SSBP3: variants seen among roughly 807,000 people sequenced by gnomAD.
SSBP3 encodes the protein single-stranded DNA-binding protein 3.
Under a neutral mutation model 69.6 loss-of-function variants are expected in SSBP3, and 5 were observed. The observed-to-expected ratio is 0.07, with a 90% CI of 0.04 to 0.15. SSBP3 has a LOEUF of 0.15. Ranked by LOEUF, SSBP3 falls within the 10% of genes least tolerant of loss-of-function variation. The pLI is 1.00. For synonymous variants in SSBP3, 196 were observed against 193.4 expected (o/e 1.01, Z -0.11); for missense variants, 312 against 534.0 (o/e 0.58, Z 4.10).
Position 54,347,305 on chromosome 1 carries a change from A to G in SSBP3, c.276+54556T>C, listed in dbSNP as rs536791665. Among the ~76,000 whole-genome samples the G allele has an allele frequency of 1.8e-4, 28 of 151,566 alleles. No individual in the cohort carries two copies. In the South Asian group the frequency reaches 5.7e-3, roughly 31 times the overall value. On this transcript the variant is annotated intron_variant, in intron 4 of 17. Coordinates refer to ENST00000610401, the Ensembl canonical transcript of SSBP3. Reference sequence around the variant, plus strand: ...TTAAATCATCTCTGGGTTACTTATAATATCTAATACAATATAAATACTAGG... The same window carrying G: ...TTAAATCATCTCTGGGTTACTTATAGTATCTAATACAATATAAATACTAGG...
chr1:54,294,160 AAAGAAAGAAAG>A lies in SSBP3; in HGVS notation c.277-12644_277-12634del, dbSNP rs1242603202. Among the ~76,000 whole-genome samples the A allele has an allele frequency of 2.1e-3, 145 of 68,788 alleles. 6 individuals are homozygous for A. Among genetic ancestry groups the A allele is most frequent in the African/African-American group, 6.8e-3 (129 of 18,934 alleles). The allele number at this position is 68,788 out of a possible 152,430, so 45.1% of individuals were successfully genotyped here. ...TCCATCTCAAAAAAAAAAAAAAAAAAAAGAAAGAAAGAAAGAAAGAAAGAAAGAAAGAAAAG... is the reference window on the plus strand; with the variant it reads ...TCCATCTCAAAAAAAAAAAAAAAAAAAAAGAAAGAAAGAAAGAAAGAAAAG... On this transcript the variant is annotated intron_variant, in intron 4 of 17. Transcript: ENST00000610401.
intron 14 of SSBP3, among the ~76,000 whole-genome samples, chr1:54,231,961 T>C (rs1205477406): frequency 6.6e-6 from 1 of 152,198 alleles, no homozygotes; most frequent in Non-Finnish European, 1.5e-5. Flanking sequence ...CCCAAAGTGC[T>C]AGGATTATAG....
intron 4 of SSBP3, among the ~76,000 whole-genome samples, chr1:54,360,488 G>C (rs1646933541): frequency 6.6e-6 from 1 of 152,138 alleles, no homozygotes; most frequent in Non-Finnish European, 1.5e-5. Flanking sequence ...GCTGGAAGGG[G>C]CTCAGGGGTC....
chr1:54,314,449 C>G (rs1486138870), intron 4 of SSBP3, among the ~76,000 whole-genome samples: 1 of 152,208 alleles, frequency 6.6e-6, no homozygotes, highest in African/African-American at 2.4e-5. Context: ...AAGGCTGTGG[C>G]CTGCAGTTGT....
intron 4 of SSBP3, among the ~76,000 whole-genome samples, chr1:54,303,081 C>T (rs1271277590): frequency 3.9e-5 from 6 of 152,240 alleles, no homozygotes; most frequent in Non-Finnish European, 8.8e-5. Flanking sequence ...AAAGTACACG[C>T]TGTACAACAC....
rs574016226 is a variant in SSBP3 at position 54,242,086 on chromosome 1, A to G, written c.765+78T>C. 1.4e-5 allele frequency: 22 copies of G among 1,525,606 alleles called. No homozygotes were observed. In the East Asian group the frequency reaches 3.4e-4, roughly 24 times the overall value. 94.5% of individuals were successfully genotyped at this position (1,525,606 alleles called of 1,614,324 possible). A position where few individuals can be genotyped will look rare whatever the true frequency, so the allele number is the denominator to read the frequency against. Reference sequence around the variant, plus strand: ...GCATCTCCCACTTCCCGTGACACCTACACCCAGGGACAGTAGCTCCCCTGC... The same window carrying G: ...GCATCTCCCACTTCCCGTGACACCTGCACCCAGGGACAGTAGCTCCCCTGC... On this transcript the variant is annotated intron_variant, in intron 11 of 17. Transcript: ENST00000610401.
At chr1:54,315,033 C>T (rs912985941) in intron 4 of SSBP3, among the ~76,000 whole-genome samples, 12 of 152,284 alleles carry the variant, frequency 7.9e-5, no homozygotes, top group Admixed American at 7.2e-4. Context: ...AAATTCCCCG[C>T]GTGTGATTCT....
chr1:54,313,915 C>T (rs778641945), intron 4 of SSBP3, among the ~76,000 whole-genome samples: 1 of 138,160 alleles, frequency 7.2e-6, no homozygotes, highest in Non-Finnish European at 1.5e-5. Context: ...TGCAGGTGCC[C>T]ACCACACCTG....
exon 17 of SSBP3, chr1:54,228,297 G>T: frequency 6.2e-7 from 1 of 1,614,062 alleles, no homozygotes; most frequent in Non-Finnish European, 8.5e-7. Flanking sequence ...CTCCTAGCTC[G>T]CCGTCATCTC....
chr1:54,244,121 GAGATGA>G (rs962758438), intron 9 of SSBP3, among the ~76,000 whole-genome samples: 10 of 150,566 alleles, frequency 6.6e-5, no homozygotes, highest in African/African-American at 2.4e-4. Flanking sequence ...TTTTTTTTTG[GAGATGA>G]AGTCTCACTC....
At chr1:54,336,786 ACT>A (rs1407573347) in intron 4 of SSBP3, among the ~76,000 whole-genome samples, 4 of 152,082 alleles carry the variant, frequency 2.6e-5, no homozygotes, top group Non-Finnish European at 5.9e-5. Context: ...TGCTGGGGAC[ACT>A]CGAGCTATAT....
intron 4 of SSBP3, among the ~76,000 whole-genome samples, chr1:54,378,080 G>A (rs910358480): frequency 1.4e-4 from 21 of 152,146 alleles, no homozygotes; most frequent in African/African-American, 4.3e-4. Context: ...CTCTCCTGAC[G>A]TGCAGGCCAC....
At chr1:54,228,640 A>C in intron 15 of SSBP3, 108 bp downstream of exon 15, 2 of 1,480,372 alleles carry the variant, frequency 1.4e-6, no homozygotes, top group Non-Finnish European at 1.8e-6. Flanking sequence ...CTGTGTGCCC[A>C]GCCAAGGCCG....
At chr1:54,332,969 A>G (rs924852485) in intron 4 of SSBP3, among the ~76,000 whole-genome samples, 5 of 152,138 alleles carry the variant, frequency 3.3e-5, no homozygotes, top group African/African-American at 1.2e-4. Context: ...CCCACGCAGC[A>G]TTGTTCCCCT....
chr1:54,386,041 TTCAAAAAGTATCATGGAAGAC>T (rs777794533), intron 4 of SSBP3, among the ~76,000 whole-genome samples: 1 of 152,166 alleles, frequency 6.6e-6, no homozygotes, highest in Non-Finnish European at 1.5e-5. Context: ...TAACTGATGC[TTCAAAAAGTATCATGGAAGAC>T]TCAGCCCACA....
At chr1:54,276,100 G>C (rs746668514) in intron 5 of SSBP3, among the ~76,000 whole-genome samples, 13 of 152,194 alleles carry the variant, frequency 8.5e-5, no homozygotes, top group African/African-American at 1.4e-4. Context: ...TCAACGGAAA[G>C]GGGATGTGTC....
At chr1:54,299,987 G>A (rs72665923) in intron 4 of SSBP3, among the ~76,000 whole-genome samples, 16,174 of 152,072 alleles carry the variant, frequency 0.11, 1,090 homozygotes, top group Non-Finnish European at 0.15. Flanking sequence ...AGACTTCCCA[G>A]ACACTGGAAT....
At chr1:54,257,096 A>G in intron 7 of SSBP3, 31 bp downstream of exon 7, 3 of 1,589,720 alleles carry the variant, frequency 1.9e-6, no homozygotes, top group South Asian at 1.2e-5. Flanking sequence ...TGGCTGAGGG[A>G]GGGGAGAGAG....
chr1:54,375,190 C>A (rs1379553752), intron 4 of SSBP3, among the ~76,000 whole-genome samples: 1 of 152,190 alleles, frequency 6.6e-6, no homozygotes, highest in East Asian at 1.9e-4. Context: ...CTCCGCAGCA[C>A]AACAGCCATC....
Sources: allele counts gnomAD v4.1 joint callset (sites outside exome capture counted in the v4.1 genomes callset), GRCh38; gene constraint gnomAD v4.1.1; transcripts MANE v1.5; gene names NCBI Gene and HGNC (gene_info 2026-07-23, HGNC 2026-07-21).